GAPVD1: variants seen among roughly 807,000 people sequenced by gnomAD.
The protein encoded by GAPVD1 is GTPase activating protein and VPS9 domains 1.
Under a neutral mutation model 155.5 loss-of-function variants are expected in GAPVD1, and 35 were observed. The observed-to-expected ratio is 0.23, with a 90% CI of 0.17 to 0.30. The LOEUF is 0.30. GAPVD1 is among the 10% of genes least tolerant of loss of function. GAPVD1 has a pLI of 1.00. For missense variants in GAPVD1, 1,429 were observed against 1,775.7 expected (o/e 0.80, Z 3.51); for synonymous variants, 636 against 619.7 (o/e 1.03, Z -0.39).
intron 2 of GAPVD1, among the ~76,000 whole-genome samples, chr9:125,282,637 T>C (rs1836971247): frequency 6.6e-6 from 1 of 152,192 alleles, no homozygotes; most frequent in Admixed American, 6.6e-5. Flanking sequence ...TGATAAAAAG[T>C]TACCCTACCT....
intron 2 of GAPVD1, among the ~76,000 whole-genome samples, chr9:125,292,400 A>AT (rs869107135): frequency 0.031 from 4,475 of 145,962 alleles, 179 homozygotes; most frequent in African/African-American, 0.093. Context: ...TCCAGGGTAG[A>AT]TTTTTTTTTT....
intron 23 of GAPVD1, among the ~76,000 whole-genome samples, chr9:125,353,793 G>C (rs561379886): frequency 3.3e-4 from 51 of 152,248 alleles, no homozygotes; most frequent in African/African-American, 1.2e-3. Flanking sequence ...ATGCCTCCAT[G>C]ATTCAATTCC....
chr9:125,342,141 G>T, intron 18 of GAPVD1, 78 bp from the exon 19 acceptor site: 1 of 718,372 alleles, frequency 1.4e-6, no homozygotes. Flanking sequence ...CTTTCACTTA[G>T]AAATGTTGGC....
rs188858202 is a variant in GAPVD1 at position 125,284,965 on chromosome 9, C to T, written c.-149-10493C>T. Among the ~76,000 whole-genome samples the T allele has an allele frequency of 2.8e-4, 42 of 152,300 alleles. No homozygotes were observed. In the East Asian group the frequency reaches 5.6e-3, roughly 20 times the overall value. ...GGTTGACTGAAAGGTCTTTATGTGG[C>T]GCATGACTGTATTTTGTAATTCATA... On this transcript the variant is annotated intron_variant, in intron 2 of 27. Coordinates refer to ENST00000297933, the MANE Select transcript of GAPVD1 (RefSeq NM_001282680.3).
At chr9:125,274,877 C>G (rs1312585359) in intron 2 of GAPVD1, among the ~76,000 whole-genome samples, 2 of 152,160 alleles carry the variant, frequency 1.3e-5, no homozygotes, top group Non-Finnish European at 2.9e-5. Flanking sequence ...AGTAAAGTAA[C>G]TAGCCAAAGA....
intron 15 of GAPVD1, among the ~76,000 whole-genome samples, chr9:125,336,318 AAT>A: frequency 6.6e-6 from 1 of 151,706 alleles, no homozygotes; most frequent in East Asian, 1.9e-4. Context: ...AAAAACAAAA[AAT>A]AGCTTCAGAC....
intron 1 of GAPVD1, among the ~76,000 whole-genome samples, chr9:125,267,929 G>A (rs1834236347): frequency 2.0e-5 from 3 of 152,066 alleles, no homozygotes; most frequent in African/African-American, 7.2e-5. Context: ...TTGGGAGACC[G>A]AGGCGGGTGG....
chr9:125,320,711 C>T (rs562046970), intron 9 of GAPVD1, among the ~76,000 whole-genome samples: 8 of 152,110 alleles, frequency 5.3e-5, no homozygotes, highest in African/African-American at 1.4e-4. Context: ...CTGCAAGCTC[C>T]GCCTCCCAGG....
intron 2 of GAPVD1, among the ~76,000 whole-genome samples, chr9:125,271,332 CT>C (rs903776243): frequency 1.0e-4 from 15 of 147,986 alleles, no homozygotes; most frequent in East Asian, 4.0e-4. Context: ...GTGTTTAGTT[CT>C]TTTTTTTTTC....
At chr9:125,284,567 C>T (rs2132266351) in intron 2 of GAPVD1, among the ~76,000 whole-genome samples, 1 of 152,108 alleles carries the variant, frequency 6.6e-6, no homozygotes, top group East Asian at 1.9e-4. Context: ...CCTCCTCAGC[C>T]TCCCAAAGCA....
chr9:125,263,547 TAA>T, intron 1 of GAPVD1: 1 of 1,123,774 alleles, frequency 8.9e-7, no homozygotes, highest in Non-Finnish European at 1.3e-6. Flanking sequence ...TTTTTGGTTG[TAA>T]GTTTATTCAA....
At chr9:125,303,119 G>A (rs1238331059) in intron 5 of GAPVD1, among the ~76,000 whole-genome samples, 7 of 151,990 alleles carry the variant, frequency 4.6e-5, no homozygotes, top group Non-Finnish European at 7.4e-5. Flanking sequence ...CCGCCTCCCG[G>A]GTTCAAGCAA....
At chr9:125,355,215 G>GTGATTCTC (rs6151177) in intron 24 of GAPVD1, among the ~76,000 whole-genome samples, 1 of 151,880 alleles carries the variant, frequency 6.6e-6, no homozygotes, top group South Asian at 2.1e-4. Flanking sequence ...CTCCCTGGTA[G>GTGATTCTC]CTGCCTCAGC....
At chr9:125,265,518 C>T (rs1170340774) in intron 1 of GAPVD1, among the ~76,000 whole-genome samples, 10 of 151,652 alleles carry the variant, frequency 6.6e-5, no homozygotes, top group Middle Eastern at 6.8e-3. Context: ...TCCAGCGATT[C>T]TCCTGCCTCA....
At chr9:125,262,235 A>C (rs1388794108) in intron 1 of GAPVD1, among the ~76,000 whole-genome samples, 1 of 152,150 alleles carries the variant, frequency 6.6e-6, no homozygotes, top group East Asian at 1.9e-4. Flanking sequence ...GGGAAGGGAC[A>C]GGAGGACCGC....
intron 2 of GAPVD1, among the ~76,000 whole-genome samples, chr9:125,285,532 C>A (rs145136763): frequency 7.8e-6 from 1 of 127,514 alleles, no homozygotes; most frequent in East Asian, 2.6e-4. Context: ...ATCTCGGGTT[C>A]AAGTGATTCT....
At chr9:125,265,122 C>G (rs1416908377) in intron 1 of GAPVD1, among the ~76,000 whole-genome samples, 1 of 152,120 alleles carries the variant, frequency 6.6e-6, no homozygotes, top group Non-Finnish European at 1.5e-5. Flanking sequence ...GTACATGCTG[C>G]CATATAGGTT....
intron 11 of GAPVD1, among the ~76,000 whole-genome samples, chr9:125,324,460 A>G (rs550094990): frequency 2.0e-5 from 3 of 152,246 alleles, no homozygotes; most frequent in East Asian, 3.9e-4. Flanking sequence ...GTGGTGGCAC[A>G]TGCCTGTAAT....
intron 5 of GAPVD1, chr9:125,304,132 T>G (rs996052293): frequency 1.3e-5 from 2 of 152,188 alleles, no homozygotes; most frequent in African/African-American, 4.8e-5. Flanking sequence ...ATCTTAGCTC[T>G]CTGTAGCCTT....
Sources: allele counts gnomAD v4.1 joint callset (sites outside exome capture counted in the v4.1 genomes callset), GRCh38; gene constraint gnomAD v4.1.1; transcripts MANE v1.5; gene names NCBI Gene and HGNC (gene_info 2026-07-23, HGNC 2026-07-21).